The following TACR1 variants were observed in gnomAD, a reference collection of about 807,000 sequenced individuals.
TACR1 encodes the protein tachykinin receptor 1.
In TACR1, 25 loss-of-function variants were observed where a neutral mutation model predicts 35.8. The ratio of observed to expected loss-of-function variants is 0.70; its 90% confidence interval spans 0.51 to 0.98. The LOEUF is 0.98. Among genes scored for constraint, TACR1 ranks in the 50% least tolerant of loss-of-function variants. TACR1 has a pLI of 0.00. For missense variants in TACR1, 478 were observed against 522.9 expected, an observed-to-expected ratio of 0.91 and a Z score of 0.84; for synonymous variants, 195 against 206.7, an observed-to-expected ratio of 0.94 and a Z score of 0.48.
intron 1 of TACR1, among the ~76,000 whole-genome samples, chr2:75,190,903 G>A (rs556438819): frequency 3.9e-5 from 6 of 152,192 alleles, no homozygotes; most frequent in Admixed American, 2.0e-4. Context: ...ATTAAACATA[G>A]TGATAAAGCT....
At chr2:75,144,489 T>A (rs905199116) in intron 1 of TACR1, among the ~76,000 whole-genome samples, 1 of 152,234 alleles carries the variant, frequency 6.6e-6, no homozygotes, top group Non-Finnish European at 1.5e-5. Context: ...CTTGGAACCA[T>A]GGACATACAG....
At chr2:75,090,834 C>T (rs1476152118) in intron 2 of TACR1, 1 of 153,804 alleles carries the variant, frequency 6.5e-6, no homozygotes, top group East Asian at 2.0e-4. Context: ...GTGTGTGGTC[C>T]CAGTTCAGAA....
At chr2:75,196,337 C>T (rs1421321542) in intron 1 of TACR1, among the ~76,000 whole-genome samples, 1 of 152,048 alleles carries the variant, frequency 6.6e-6, no homozygotes, top group East Asian at 1.9e-4. Context: ...GTGTGCTCAC[C>T]AGGCTGAGCA....
chr2:75,154,540 C>T (rs1164446047), intron 1 of TACR1: 3 of 125,582 alleles, frequency 2.4e-5, no homozygotes, highest in Admixed American at 7.4e-5. Flanking sequence ...TCTGAAGAAA[C>T]CCAGTGGAGA....
At chr2:75,117,320 C>A (rs1187835106) in intron 2 of TACR1, among the ~76,000 whole-genome samples, 2 of 152,182 alleles carry the variant, frequency 1.3e-5, no homozygotes, top group Non-Finnish European at 2.9e-5. Context: ...GAAGGTCCAC[C>A]ATACAGCCAG....
At chr2:75,051,132 G>T in intron 4 of TACR1, 119 bp downstream of exon 4, 3 of 1,285,418 alleles carry the variant, frequency 2.3e-6, no homozygotes, top group South Asian at 1.3e-5. Context: ...GTTAGCTGCA[G>T]TCCCCACTTG....
chr2:75,150,858 A>C (rs1482154338), intron 1 of TACR1, among the ~76,000 whole-genome samples: 1 of 152,230 alleles, frequency 6.6e-6, no homozygotes, highest in Non-Finnish European at 1.5e-5. Context: ...TGTTGATAGC[A>C]ATATGGACAA....
chr2:75,116,783 G>A (rs532772947), intron 2 of TACR1, among the ~76,000 whole-genome samples: 12 of 152,142 alleles, frequency 7.9e-5, no homozygotes, highest in East Asian at 5.8e-4. Flanking sequence ...GGTGATGGGC[G>A]CCTGTAATCC....
chr2:75,080,606 C>T (rs997116250), intron 2 of TACR1, among the ~76,000 whole-genome samples: 1 of 152,148 alleles, frequency 6.6e-6, no homozygotes, highest in African/African-American at 2.4e-5. Flanking sequence ...CACCTAACTA[C>T]AGAGGACAGA....
intron 1 of TACR1, among the ~76,000 whole-genome samples, chr2:75,124,952 C>A (rs561599962): frequency 2.3e-3 from 343 of 152,236 alleles, no homozygotes; most frequent in African/African-American, 8.0e-3. Flanking sequence ...CAGTCATGAC[C>A]AAGAATCAGA....
At chr2:75,150,443 G>A (rs13009281) in intron 1 of TACR1, among the ~76,000 whole-genome samples, 51,479 of 152,054 alleles carry the variant, frequency 0.34, 11,243 homozygotes, top group Non-Finnish European at 0.49. Flanking sequence ...TGCTTTTCTT[G>A]TGATAGTGAA....
At chr2:75,055,121 C>T (rs1672544757) in intron 2 of TACR1, among the ~76,000 whole-genome samples, 1 of 152,116 alleles carries the variant, frequency 6.6e-6, no homozygotes, top group Non-Finnish European at 1.5e-5. Flanking sequence ...CTCTGTTTAC[C>T]ATTCATGATT....
At chr2:75,069,122 T>C (rs921998528) in intron 2 of TACR1, among the ~76,000 whole-genome samples, 1 of 152,060 alleles carries the variant, frequency 6.6e-6, no homozygotes, top group African/African-American at 2.4e-5. Context: ...CTGCACCAGC[T>C]CTCTTGTCTG....
Position 75,051,267 on chromosome 2 carries a change from AG to A in TACR1, c.915del (p.Cys306AlafsTer31). 1 of 1,614,200 alleles carries A rather than the reference AG, an allele frequency of 6.2e-7. No individual in the cohort carries two copies. Among genetic ancestry groups the A allele is most frequent in the East Asian group, 2.2e-5 (1 of 44,878 alleles). ...GATCCTCACCTGTCATTGAGGCAGC[AG>A]TAGATGATGGGGTTGTACATGGTGG... ...MSSTMYNPII[Y>X]CCLNDRFRLG... On this transcript the variant is annotated frameshift_variant, in exon 4 of 5. Coordinates refer to ENST00000305249, the MANE Select transcript of TACR1 (RefSeq NM_001058.4). LOFTEE classifies it high-confidence loss of function.
intron 1 of TACR1, among the ~76,000 whole-genome samples, chr2:75,194,438 G>A (rs1029600631): frequency 2.6e-5 from 4 of 152,272 alleles, no homozygotes; most frequent in African/African-American, 9.6e-5. Context: ...CCCTCCAGGT[G>A]GGGTGAGGGA....
chr2:75,055,073 T>A (rs1226774916), intron 2 of TACR1, among the ~76,000 whole-genome samples: 2 of 152,200 alleles, frequency 1.3e-5, no homozygotes, highest in Non-Finnish European at 2.9e-5. Context: ...CAGCCTTTTG[T>A]CAATGGAGAA....
intron 1 of TACR1, among the ~76,000 whole-genome samples, chr2:75,170,520 C>T (rs1572976504): frequency 6.6e-6 from 1 of 152,120 alleles, no homozygotes; most frequent in African/African-American, 2.4e-5. Flanking sequence ...ATGTGGAAGC[C>T]ACTTTGGAAC....
At chr2:75,074,238 T>TGA (rs945533642) in intron 2 of TACR1, among the ~76,000 whole-genome samples, 3 of 152,176 alleles carry the variant, frequency 2.0e-5, no homozygotes, top group African/African-American at 7.2e-5. Context: ...GGTGAGAAAC[T>TGA]GAGGCAAGTG....
intron 2 of TACR1, among the ~76,000 whole-genome samples, chr2:75,059,027 C>T (rs1292617506): frequency 1.3e-5 from 2 of 152,176 alleles, no homozygotes; most frequent in Non-Finnish European, 2.9e-5. Flanking sequence ...GGTTCTCCAT[C>T]TTTATTCTAA....
Sources: allele counts gnomAD v4.1 joint callset (sites outside exome capture counted in the v4.1 genomes callset), GRCh38; gene constraint gnomAD v4.1.1; transcripts MANE v1.5; gene names NCBI Gene and HGNC (gene_info 2026-07-23, HGNC 2026-07-21).